The following FLRT2 variants were observed in gnomAD, a reference collection of about 807,000 sequenced individuals.
FLRT2 encodes the protein leucine-rich repeat transmembrane protein FLRT2.
FLRT2 carries 15 observed loss-of-function variants against 40.0 expected under a neutral mutation model. That is an observed-to-expected ratio of 0.38 (90% CI 0.25 to 0.58). FLRT2 has a LOEUF of 0.58. Ranked by LOEUF, FLRT2 falls within the 20% of genes least tolerant of loss-of-function variation. The probability of loss-of-function intolerance (pLI) is 0.71; values close to 1 mark genes in which losing one functional copy is unlikely to be tolerated. For synonymous variants in FLRT2, 380 were observed against 336.8 expected (o/e 1.13, Z -1.41); for missense variants, 726 against 840.0 (o/e 0.86, Z 1.68).
At chr14:85,577,564 C>T (rs1891170845) in intron 1 of FLRT2, among the ~76,000 whole-genome samples, 1 of 152,048 alleles carries the variant, frequency 6.6e-6, no homozygotes, top group Non-Finnish European at 1.5e-5. Flanking sequence ...TATGCCCTAC[C>T]TTCCATGTGT....
chr14:85,574,554 ATT>A (rs1340682568), intron 1 of FLRT2, among the ~76,000 whole-genome samples: 1 of 152,146 alleles, frequency 6.6e-6, no homozygotes, highest in African/African-American at 2.4e-5. Context: ...TATACTGGAA[ATT>A]TGGAGACGCC....
At chr14:85,610,453 G>A (rs981664390) in intron 1 of FLRT2, among the ~76,000 whole-genome samples, 1 of 152,098 alleles carries the variant, frequency 6.6e-6, no homozygotes, top group Non-Finnish European at 1.5e-5. Context: ...TACCTTCCCT[G>A]CAGGCTTTTC....
At chr14:85,603,357 T>C (rs941919821) in intron 1 of FLRT2, among the ~76,000 whole-genome samples, 7 of 152,040 alleles carry the variant, frequency 4.6e-5, no homozygotes, top group Non-Finnish European at 7.4e-5. Flanking sequence ...AAAAAAAAGA[T>C]GTGTCATGAT....
At chr14:85,601,377 G>A (rs1892372193) in intron 1 of FLRT2, among the ~76,000 whole-genome samples, 1 of 152,184 alleles carries the variant, frequency 6.6e-6, no homozygotes, top group Non-Finnish European at 1.5e-5. Context: ...CTAATAAAGA[G>A]GTTCTGGAAC....
At position 85,644,568 on chromosome 14, in the gene FLRT2, A is replaced by G. The variant is rs17094467; in HGVS notation, c.*21071A>G. ...AAAATTCTCACTAAAACTCAGGGAC[A>G]TGCCACCTTTTGCAAATTTCTGGGA... On this transcript the variant is annotated 3_prime_UTR_variant, in exon 2 of 2. Transcript: ENST00000330753. 0.22 allele frequency: 33,801 copies of G among 152,122 alleles called. 3,935 individuals carry two copies. Among genetic ancestry groups the G allele is most frequent in the East Asian group, 0.3 (1,534 of 5,164 alleles). The allele number at this position is 152,122 out of a possible 1,614,324, so 9.4% of individuals were successfully genotyped here.
In FLRT2 at chr14:85,606,069, G is replaced by C. The variant is rs146794245; in HGVS notation, c.-376-15070G>C. ...CCATTCAAGTAAGTTTTCACACCATGAGTAACTCCTTTTTGTACTCCTAAT... is the reference window on the plus strand; with the variant it reads ...CCATTCAAGTAAGTTTTCACACCATCAGTAACTCCTTTTTGTACTCCTAAT... On this transcript the variant is annotated intron_variant, in intron 1 of 1. Transcript: ENST00000330753. Among the ~76,000 whole-genome samples the C allele has an allele frequency of 4.6e-5, 7 of 152,206 alleles. No individual in the cohort carries two copies. In the East Asian group the frequency reaches 1.4e-3, roughly 29 times the overall value.
intron 1 of FLRT2, among the ~76,000 whole-genome samples, chr14:85,532,429 A>G (rs1888344645): frequency 1.3e-5 from 2 of 152,178 alleles, no homozygotes; most frequent in South Asian, 4.1e-4. Context: ...AGAGACGTGC[A>G]CCTAGCTTTT....
Position 85,621,443 on chromosome 14 carries a change from TG to T in FLRT2, c.-71del. ...TCAACAGAACCCCATCCAGTCATTT[TG>T]ATTTTGCTGTTTATTTTTTTTTTCT... On this transcript the variant is annotated 5_prime_UTR_variant, in exon 2 of 2. Coordinates refer to ENST00000330753, the MANE Select transcript of FLRT2 (RefSeq NM_013231.6). 1 of 1,422,200 alleles carries T rather than the reference TG, an allele frequency of 7.0e-7. No homozygotes were observed. Among genetic ancestry groups the T allele is most frequent in the Admixed American group, 2.3e-5 (1 of 42,674 alleles). The allele number at this position is 1,422,200 out of a possible 1,614,324, so 88.1% of individuals were successfully genotyped here.
intron 1 of FLRT2, among the ~76,000 whole-genome samples, chr14:85,549,745 T>G (rs999995124): frequency 1.3e-5 from 2 of 152,018 alleles, no homozygotes; most frequent in African/African-American, 2.4e-5. Context: ...CTAGCATGCA[T>G]TAAAATCCCT....
chr14:85,561,899 G>A (rs1331307778), intron 1 of FLRT2, among the ~76,000 whole-genome samples: 1 of 152,114 alleles, frequency 6.6e-6, no homozygotes, highest in Non-Finnish European at 1.5e-5. Flanking sequence ...TTGTTGTTGT[G>A]GCTGTTGTTT....
Position 85,621,782 on chromosome 14 carries a change from G to A in FLRT2, c.268G>A (p.Val90Met). 2.5e-6 allele frequency: 4 copies of A among 1,614,196 alleles called. No individual in the cohort carries two copies. The highest frequency in any genetic ancestry group is 3.4e-6 in the Non-Finnish European group (4 of 1,180,040). Reference protein sequence around the residue: ...FPAELHNVQSVHTVYLYGNQL... With the variant: ...FPAELHNVQSMHTVYLYGNQL... ...TGCAGAACTGCACAATGTACAGTCG[G>A]TGCACACGGTCTACCTGTATGGCAA... Residue 90 changes from valine to methionine, a missense_variant, in exon 2 of 2, where the codon GTG (valine) becomes ATG (methionine). Physicochemically the swap from Val to Met is conservative, Grantham distance 21. Transcript: ENST00000330753.
At chr14:85,575,646 T>G (rs1891099397) in intron 1 of FLRT2, among the ~76,000 whole-genome samples, 1 of 152,022 alleles carries the variant, frequency 6.6e-6, no homozygotes, top group African/African-American at 2.4e-5. Flanking sequence ...TCAACTGCAC[T>G]TTTTTTTCCA....
At chr14:85,576,526 C>T (rs1352567398) in intron 1 of FLRT2, among the ~76,000 whole-genome samples, 4 of 152,208 alleles carry the variant, frequency 2.6e-5, no homozygotes, top group Non-Finnish European at 5.9e-5. Flanking sequence ...TCAACACCTT[C>T]TTCTCCTCCT....
Position 85,622,330 on chromosome 14 carries a change from C to T in FLRT2, c.816C>T (p.Phe272=). ...TAAACCACATTCCTTTGACAGCCTT[C>T]TCAAATCTGCGTAAGCTGGAACGGC... The part of the protein sequence containing the change: ...NQINHIPLTA[F]SNLRKLERLD... The change falls in exon 2 of 2, where the codon TTC becomes TTT. Residue 272 remains phenylalanine, a synonymous_variant. Coordinates refer to ENST00000330753, the MANE Select transcript of FLRT2 (RefSeq NM_013231.6). 1.9e-5 allele frequency: 30 copies of T among 1,614,144 alleles called. No homozygotes were observed. Among genetic ancestry groups the T allele is most frequent in the Non-Finnish European group, 2.5e-5 (29 of 1,180,034 alleles).
intron 1 of FLRT2, among the ~76,000 whole-genome samples, chr14:85,534,452 A>G (rs1368538421): frequency 6.6e-6 from 1 of 152,212 alleles, no homozygotes; most frequent in African/African-American, 2.4e-5. Context: ...AGAGGAAAAA[A>G]TATCCTTTCC....
rs1281579253 is a variant in FLRT2 at position 85,647,680 on chromosome 14, T to C, written c.*24183T>C. 4 of 152,166 alleles carry C rather than the reference T, an allele frequency of 2.6e-5. No homozygotes were observed. The highest frequency in any genetic ancestry group is 7.2e-5 in the African/African-American group (3 of 41,442). The allele number at this position is 152,166 out of a possible 1,614,324, so 9.4% of individuals were successfully genotyped here. A position where few individuals can be genotyped will look rare whatever the true frequency, so the allele number is the denominator to read the frequency against. ...TAAGTTTTTCCTACAAAGAGATGTA[T>C]GTATGGGACCCAGGGAATTTTACAG... On this transcript the variant is annotated 3_prime_UTR_variant, in exon 2 of 2. Coordinates refer to ENST00000330753, the MANE Select transcript of FLRT2 (RefSeq NM_013231.6).
At chr14:85,617,580 T>C (rs1893191241) in intron 1 of FLRT2, among the ~76,000 whole-genome samples, 1 of 152,094 alleles carries the variant, frequency 6.6e-6, no homozygotes, top group Admixed American at 6.5e-5. Context: ...CATTATTCAG[T>C]AGGAACCACA....
rs1168084849 is a variant in FLRT2 at position 85,530,278 on chromosome 14, A to G, written c.-633A>G. 1.3e-5 allele frequency: 2 copies of G among 152,568 alleles called. No individual in the cohort carries two copies. The highest frequency in any genetic ancestry group is 4.8e-5 in the African/African-American group (2 of 41,436). 9.5% of individuals were successfully genotyped at this position (152,568 alleles called of 1,614,324 possible). Reference sequence around the variant, plus strand: ...CAAGGCGCTGAGCTACTCCTTTCCGAGGTGCGCCTCTGGTCCTCCGTCCCT... The same window carrying G: ...CAAGGCGCTGAGCTACTCCTTTCCGGGGTGCGCCTCTGGTCCTCCGTCCCT... On this transcript the variant is annotated 5_prime_UTR_variant, in exon 1 of 2. Coordinates refer to ENST00000330753, the MANE Select transcript of FLRT2 (RefSeq NM_013231.6).
chr14:85,586,348 G>A lies in FLRT2; in HGVS notation c.-376-34791G>A, dbSNP rs183740385. Among the ~76,000 whole-genome samples, 235 of 151,972 alleles carry A rather than the reference G, an allele frequency of 1.5e-3. 1 individual carries two copies. The highest frequency in any genetic ancestry group is 5.4e-3 in the African/African-American group (225 of 41,476). ...CACTCTGGAGCCTGAGTTTTCTTAC[G>A]TACTCTGCTTACTGCACTGACAATA... On this transcript the variant is annotated intron_variant, in intron 1 of 1. Coordinates refer to ENST00000330753, the MANE Select transcript of FLRT2 (RefSeq NM_013231.6).
Sources: allele counts gnomAD v4.1 joint callset (sites outside exome capture counted in the v4.1 genomes callset), GRCh38; gene constraint gnomAD v4.1.1; transcripts MANE v1.5; gene names NCBI Gene and HGNC (gene_info 2026-07-23, HGNC 2026-07-21).